BPIFB6: variants seen among roughly 807,000 people sequenced by gnomAD.
BPIFB6 encodes BPI fold containing family B member 6.
A neutral mutation model predicts 54.7 loss-of-function variants in BPIFB6; 47 were observed. The observed-to-expected ratio is 0.86, with a 90% CI of 0.68 to 1.10. BPIFB6 has a LOEUF of 1.10. Among genes scored for constraint, BPIFB6 ranks in the 50% least tolerant of loss-of-function variants. The pLI is 0.00. For synonymous variants in BPIFB6, 255 were observed against 225.9 expected, an observed-to-expected ratio of 1.13 and a Z score of -1.16; for missense variants, 603 against 564.1, an observed-to-expected ratio of 1.07 and a Z score of -0.70.
At chr20:33,032,913 C>T (rs1015390219) in intron 1 of BPIFB6, 71 bp from the exon 2 acceptor site, 30 of 1,245,030 alleles carry the variant, frequency 2.4e-5, no homozygotes, top group Admixed American at 5.1e-5. Context: ...GGCACAGTGA[C>T]GGTGAGTGGC....
chr20:33,037,716 A>C lies in BPIFB6; in HGVS notation c.824A>C (p.His275Pro). ...CTTGCCCTTCTGCAGAAGTCCTTTC[A>C]TGTGAATATCCAGGATACAATGGTG... is the stretch of plus-strand genomic sequence containing the variant. ...AELALLQKSF[H>P]VNIQDTMIGE... Residue 275 changes from histidine (H) to proline (P), a missense_variant, in exon 8 of 15, where the codon CAT becomes CCT. His to Pro is a moderately conservative substitution (Grantham distance 77, BLOSUM62 -2). Transcript: ENST00000349552. 6.2e-7 allele frequency: 1 copy of C among 1,614,102 alleles called. No individual in the cohort carries two copies. Among genetic ancestry groups the C allele is most frequent in the Non-Finnish European group, 8.5e-7 (1 of 1,180,012 alleles).
At chr20:33,036,593 G>T in intron 7 of BPIFB6, 57 bp downstream of exon 7, 5 of 1,473,982 alleles carry the variant, frequency 3.4e-6, no homozygotes, top group Non-Finnish European at 4.8e-6. Context: ...TCTGGGTAGT[G>T]GGTGATGCTT....
intron 6 of BPIFB6, among the ~76,000 whole-genome samples, chr20:33,035,884 A>G (rs1296543356): frequency 6.6e-6 from 1 of 151,992 alleles, no homozygotes; most frequent in Admixed American, 6.6e-5. Context: ...TCCCTATTCA[A>G]TACTGCATCC....
At chr20:33,038,821 G>A (rs1979452671) in intron 8 of BPIFB6, 88 bp from the exon 9 acceptor site, 1 of 1,285,536 alleles carries the variant, frequency 7.8e-7, no homozygotes, top group South Asian at 1.2e-5. Context: ...GAGCCTCAAA[G>A]GGTACACCTT....
intron 8 of BPIFB6, among the ~76,000 whole-genome samples, chr20:33,038,180 T>A (rs1455414531): frequency 2.0e-5 from 3 of 152,152 alleles, no homozygotes; most frequent in Non-Finnish European, 2.9e-5. Context: ...ACCTGCCATG[T>A]ACCACCCAAA....
chr20:33,033,337 G>A (rs1979187167), intron 2 of BPIFB6: 1 of 581,378 alleles, frequency 1.7e-6, no homozygotes, highest in Non-Finnish European at 3.3e-6. Flanking sequence ...AATGAGGTTG[G>A]AAAGTCAAAT....
Position 33,042,005 on chromosome 20 carries a change from G to T in BPIFB6, c.1178G>T (p.Gly393Val). The change falls in exon 12 of 15, where the codon GGC becomes GTC. Residue 393 changes from glycine (G) to valine (V), a missense_variant. Gly to Val is a moderately radical substitution (Grantham distance 109). Coordinates refer to ENST00000349552, the MANE Select transcript of BPIFB6 (RefSeq NM_174897.2). ...TTGTCCCGGAAGTCCTCATCGATTGGCAACTTCAATGTAAGTGTCCCAAGT... is the reference window on the plus strand; with the variant it reads ...TTGTCCCGGAAGTCCTCATCGATTGTCAACTTCAATGTAAGTGTCCCAAGT... ...LSLSRKSSSI[G>V]NFNERELTGF... 6.2e-7 allele frequency: 1 copy of T among 1,614,060 alleles called. No homozygotes were observed. Among genetic ancestry groups the T allele is most frequent in the Non-Finnish European group, 8.5e-7 (1 of 1,179,960 alleles).
rs1355674352 is a variant in BPIFB6, at chr20:33,043,359, A to G, written c.1321A>G (p.Ile441Val). The change falls in exon 14 of 15, where the codon ATA becomes GTA. Residue 441 changes from isoleucine to valine, a missense_variant. Transcript: ENST00000349552. ...AMNYNLAELD[I>V]VENALMLDLK... ...GAATTACAACCTGGCTGAGCTGGAC[A>G]TAGTAGAGGTGAGAGGAGGGGCTAG... 1.9e-6 allele frequency: 3 copies of G among 1,614,166 alleles called. No individual in the cohort carries two copies. Among genetic ancestry groups the G allele is most frequent in the South Asian group, 2.2e-5 (2 of 91,082 alleles).
intron 7 of BPIFB6, 33 bp from the exon 8 acceptor site, chr20:33,037,529 A>G: frequency 6.3e-7 from 1 of 1,579,066 alleles, no homozygotes; most frequent in South Asian, 1.1e-5. Flanking sequence ...CCTCTCGGCC[A>G]AGGCTGAGTG....
At chr20:33,042,688 G>A (rs1414772465) in intron 12 of BPIFB6, 127 bp from the exon 13 acceptor site, 1 of 873,610 alleles carries the variant, frequency 1.1e-6, no homozygotes, top group Non-Finnish European at 1.8e-6. Flanking sequence ...GATGCCAGCT[G>A]GACAAACCAT....
At chr20:33,032,110 G>C (rs890699976) in intron 1 of BPIFB6, among the ~76,000 whole-genome samples, 4 of 152,152 alleles carry the variant, frequency 2.6e-5, no homozygotes, top group African/African-American at 9.7e-5. Flanking sequence ...TGGCCTCCCT[G>C]TGTTGCTGTT....
chr20:33,039,249 C>T (rs774620657), intron 9 of BPIFB6, 98 bp from the exon 10 acceptor site: 4 of 1,262,274 alleles, frequency 3.2e-6, no homozygotes, highest in East Asian at 2.3e-5. Flanking sequence ...CTTCCTGTGT[C>T]CAACGTAGAA....
intron 3 of BPIFB6, 34 bp from the exon 4 acceptor site, chr20:33,034,729 G>T: frequency 6.4e-7 from 1 of 1,572,078 alleles, no homozygotes; most frequent in Non-Finnish European, 8.7e-7. Context: ...CCATGGCAGA[G>T]ATGCCCATGG....
chr20:33,043,883 G>T (rs1218970162), intron 14 of BPIFB6, 132 bp from the exon 15 acceptor site: 2 of 1,153,706 alleles, frequency 1.7e-6, no homozygotes, highest in African/African-American at 1.5e-5. Flanking sequence ...AGGGTCACAA[G>T]GCAAGTCTAC....
At chr20:33,036,305 T>C (rs1161201403) in intron 6 of BPIFB6, 140 bp from the exon 7 acceptor site, 1 of 691,896 alleles carries the variant, frequency 1.4e-6, no homozygotes, top group East Asian at 2.5e-5. Context: ...ACAGATGAAG[T>C]TACAGAGGCC....
In BPIFB6 at chr20:33,034,811, C is replaced by T. The variant is rs756622124; in HGVS notation, c.351C>T (p.Ala117=). The change falls in exon 4 of 15, where the codon GCC becomes GCT. Residue 117 remains alanine, a synonymous_variant. Coordinates refer to ENST00000349552, the MANE Select transcript of BPIFB6 (RefSeq NM_174897.2). ...TCATCGTGGCCCTGAACATCACAGCCACCAACCGGCTTCTGCGGGATGAGG... is the reference window on the plus strand; with the variant it reads ...TCATCGTGGCCCTGAACATCACAGCTACCAACCGGCTTCTGCGGGATGAGG... ...MEIIVALNIT[A]TNRLLRDEET... is the part of the protein sequence containing the mutation. The T allele has an allele frequency of 1.2e-6, 2 of 1,613,914 alleles. No homozygotes were observed. Among genetic ancestry groups the T allele is most frequent in the Non-Finnish European group, 1.7e-6 (2 of 1,179,866 alleles).
intron 10 of BPIFB6, 58 bp from the exon 11 acceptor site, chr20:33,040,193 C>A (rs902996608): frequency 1.3e-6 from 2 of 1,520,408 alleles, no homozygotes; most frequent in South Asian, 1.1e-5. Flanking sequence ...TCTGGCTTTG[C>A]CAGCCCTGAT....
At chr20:33,033,161 G>A in intron 2 of BPIFB6, 78 bp downstream of exon 2, 2 of 1,111,540 alleles carry the variant, frequency 1.8e-6, no homozygotes, top group Non-Finnish European at 1.4e-6. Flanking sequence ...GATCTTAGCA[G>A]GCCAGGTAAT....
At position 33,034,235 on chromosome 20, in the gene BPIFB6, C is replaced by A; in HGVS notation, c.247C>A (p.Pro83Thr). Residue 83 changes from proline to threonine, a missense_variant, in exon 3 of 15, where the codon CCT becomes ACT. Coordinates refer to ENST00000349552, the MANE Select transcript of BPIFB6 (RefSeq NM_174897.2). Reference protein sequence around the residue: ...QLPVITLNFVPGVGIFQCVST... With the variant: ...QLPVITLNFVTGVGIFQCVST... ...GCCCGTCATCACACTGAACTTTGTA[C>A]CTGGAGTGGGCATCTTCCAATGTGT... is the stretch of plus-strand genomic sequence containing the variant. 1.2e-6 allele frequency: 2 copies of A among 1,614,128 alleles called. No individual in the cohort carries two copies. Among genetic ancestry groups the A allele is most frequent in the Non-Finnish European group, 1.7e-6 (2 of 1,180,016 alleles).
Sources: allele counts gnomAD v4.1 joint callset (sites outside exome capture counted in the v4.1 genomes callset), GRCh38; gene constraint gnomAD v4.1.1; transcripts MANE v1.5; gene names NCBI Gene and HGNC (gene_info 2026-07-23, HGNC 2026-07-21).